The following FOXO1 variants were observed in gnomAD, a reference collection of about 807,000 sequenced individuals.
FOXO1 encodes forkhead box protein O1.
Under a neutral mutation model 44.1 loss-of-function variants are expected in FOXO1, and 6 were observed. The ratio of observed to expected loss-of-function variants is 0.14; its 90% confidence interval spans 0.07 to 0.27. The LOEUF (loss-of-function observed/expected upper bound fraction) is 0.27, where lower values mean the gene tolerates loss of function less well. Among genes scored for constraint, FOXO1 ranks in the 10% least tolerant of loss-of-function variants. The probability of loss-of-function intolerance (pLI) is 1.00; values close to 1 mark genes in which losing one functional copy is unlikely to be tolerated. For synonymous variants in FOXO1, 380 were observed against 362.7 expected (o/e 1.05, Z -0.54); for missense variants, 737 against 888.8 (o/e 0.83, Z 2.17).
intron 1 of FOXO1, among the ~76,000 whole-genome samples, chr13:40,656,700 T>G (rs1259333237): frequency 6.6e-6 from 1 of 152,230 alleles, no homozygotes; most frequent in Non-Finnish European, 1.5e-5. Flanking sequence ...ATTTTCATAA[T>G]TTCTTATTTG....
At chr13:40,608,507 T>G (rs183189939) in intron 1 of FOXO1, among the ~76,000 whole-genome samples, 1 of 152,002 alleles carries the variant, frequency 6.6e-6, no homozygotes, top group African/African-American at 2.4e-5. Context: ...TTGGGGTTAT[T>G]TGTTATGGAG....
rs1294521223 is a variant in FOXO1 at position 40,666,577 on chromosome 13, C to G, written c.-365G>C. 4.5e-6 allele frequency: 1 copy of G among 221,750 alleles called. No individual in the cohort carries two copies. Among genetic ancestry groups the G allele is most frequent in the African/African-American group, 2.2e-5 (1 of 44,482 alleles). The allele number at this position is 221,750 out of a possible 1,614,324, so 13.7% of individuals were successfully genotyped here. A position where few individuals can be genotyped will look rare whatever the true frequency, so the allele number is the denominator to read the frequency against. On this transcript the variant is annotated 5_prime_UTR_variant, in exon 1 of 3. Transcript: ENST00000379561. Reference sequence around the variant, plus strand: ...CAGCGGCGCGCCCGCTGCGCTGCTGCCTGTTGAATGTGGCGGCTGCGGCAG... The same window carrying G: ...CAGCGGCGCGCCCGCTGCGCTGCTGGCTGTTGAATGTGGCGGCTGCGGCAG...
At chr13:40,599,264 CAGGGAAGAATT>C (rs1249680870) in intron 1 of FOXO1, among the ~76,000 whole-genome samples, 35 of 150,848 alleles carry the variant, frequency 2.3e-4, no homozygotes, top group Non-Finnish European at 4.9e-4. Flanking sequence ...TTAGTCTTGT[CAGGGAAGAATT>C]TATCTACTAT....
chr13:40,662,865 T>C (rs1878080685), intron 1 of FOXO1, among the ~76,000 whole-genome samples: 1 of 152,240 alleles, frequency 6.6e-6, no homozygotes, highest in Non-Finnish European at 1.5e-5. Context: ...AAATTCATAG[T>C]AAAATTTCTC....
intron 1 of FOXO1, among the ~76,000 whole-genome samples, chr13:40,586,260 A>G (rs1185777299): frequency 6.6e-6 from 1 of 152,254 alleles, no homozygotes; most frequent in Non-Finnish European, 1.5e-5. Context: ...ATGTGCACTG[A>G]GTCATACTGT....
chr13:40,658,869 G>A (rs981719301), intron 1 of FOXO1, among the ~76,000 whole-genome samples: 8 of 152,148 alleles, frequency 5.3e-5, no homozygotes, highest in African/African-American at 9.6e-5. Flanking sequence ...AAAATTAGCC[G>A]GGCGTGGTGG....
At chr13:40,658,907 G>A (rs1161549296) in intron 1 of FOXO1, among the ~76,000 whole-genome samples, 1 of 152,214 alleles carries the variant, frequency 6.6e-6, no homozygotes, top group African/African-American at 2.4e-5. Flanking sequence ...AGCTACTCAG[G>A]AGGCTGAGGC....
intron 1 of FOXO1, among the ~76,000 whole-genome samples, chr13:40,566,731 A>C (rs886961595): frequency 3.3e-5 from 5 of 152,216 alleles, no homozygotes; most frequent in African/African-American, 1.2e-4. Flanking sequence ...TGAATGTATT[A>C]TATAATTACA....
Position 40,559,718 on chromosome 13 carries a change from G to A in FOXO1, c.1773C>T (p.Gly591=). The A allele has an allele frequency of 6.2e-7, 1 of 1,613,954 alleles. No homozygotes were observed. The highest frequency in any genetic ancestry group is 1.3e-5 in the African/African-American group (1 of 75,032). ...TTGGGAGCTTCTCCTGGTGGAGAAG[G>A]CCCATTCTGCCATAGCCATTGCAGC... is the stretch of plus-strand genomic sequence containing the variant. ...VSSCNGYGRM[G]LLHQEKLPSD... The change falls in exon 2 of 3, where the codon GGC becomes GGT. Residue 591 remains glycine (G), a synonymous_variant. Coordinates refer to ENST00000379561, the MANE Select transcript of FOXO1 (RefSeq NM_002015.4).
At chr13:40,647,939 G>C (rs966996031) in intron 1 of FOXO1, among the ~76,000 whole-genome samples, 1 of 152,178 alleles carries the variant, frequency 6.6e-6, no homozygotes, top group Non-Finnish European at 1.5e-5. Context: ...GCAGAGTCTG[G>C]TCAAAGCAAG....
intron 1 of FOXO1, chr13:40,619,734 A>C (rs1876545902): frequency 7.4e-6 from 7 of 943,226 alleles, no homozygotes; most frequent in Non-Finnish European, 1.2e-5. Flanking sequence ...GATCTTTCTC[A>C]ACAGTAGGAA....
At chr13:40,632,899 GA>G (rs1249893183) in intron 1 of FOXO1, among the ~76,000 whole-genome samples, 1 of 119,968 alleles carries the variant, frequency 8.3e-6, no homozygotes, top group Admixed American at 9.8e-5. Flanking sequence ...GCAAAAGAGT[GA>G]AACTCCATCT....
Position 40,592,841 on chromosome 13 carries a change from G to A in FOXO1, c.631-31981C>T, listed in dbSNP as rs895130954. Among the ~76,000 whole-genome samples the A allele has an allele frequency of 3.9e-5, 6 of 152,102 alleles. No individual in the cohort carries two copies. In the East Asian group the frequency reaches 5.8e-4, roughly 15 times the overall value. Reference sequence around the variant, plus strand: ...TGTCTTCCCAAGAAATGGTAAAGGCGTGTACAGGAGGCATTTCTGGGTCTC... The same window carrying A: ...TGTCTTCCCAAGAAATGGTAAAGGCATGTACAGGAGGCATTTCTGGGTCTC... On this transcript the variant is annotated intron_variant, in intron 1 of 2. Coordinates refer to ENST00000379561, the MANE Select transcript of FOXO1 (RefSeq NM_002015.4).
At chr13:40,638,572 A>T (rs967944397) in intron 1 of FOXO1, among the ~76,000 whole-genome samples, 2 of 152,198 alleles carry the variant, frequency 1.3e-5, no homozygotes, top group African/African-American at 2.4e-5. Flanking sequence ...GTTCCAAGAG[A>T]GAGCACACCT....
At chr13:40,649,518 A>T (rs1338788628) in intron 1 of FOXO1, among the ~76,000 whole-genome samples, 1 of 152,200 alleles carries the variant, frequency 6.6e-6, no homozygotes, top group Non-Finnish European at 1.5e-5. Flanking sequence ...ATAACCATCA[A>T]CAGTTTGTCT....
intron 1 of FOXO1, among the ~76,000 whole-genome samples, chr13:40,645,783 C>G (rs1282071053): frequency 2.0e-5 from 3 of 152,164 alleles, no homozygotes; most frequent in Non-Finnish European, 4.4e-5. Context: ...GATGTGCACC[C>G]TCAAAAGTCA....
At chr13:40,619,404 C>A (rs1260434493) in intron 1 of FOXO1, 6 of 832,920 alleles carry the variant, frequency 7.2e-6, no homozygotes, top group Non-Finnish European at 1.0e-5. Flanking sequence ...CCTTTCGGGG[C>A]ACAGGAAATG....
rs1394982028 is a variant in FOXO1, at chr13:40,557,690, C to A, written c.*1359G>T. Reference sequence around the variant, plus strand: ...CCTCAAGGCAGAACTACAAAACCAACCTCCACCTGGACTGAAACAAGAGCA... The same window carrying A: ...CCTCAAGGCAGAACTACAAAACCAAACTCCACCTGGACTGAAACAAGAGCA... On this transcript the variant is annotated 3_prime_UTR_variant, in exon 3 of 3. Coordinates refer to ENST00000379561, the MANE Select transcript of FOXO1 (RefSeq NM_002015.4). 1.3e-5 allele frequency: 2 copies of A among 152,208 alleles called. No individual in the cohort carries two copies. Among genetic ancestry groups the A allele is most frequent in the Non-Finnish European group, 2.9e-5 (2 of 68,034 alleles). The allele number at this position is 152,208 out of a possible 1,614,324, so 9.4% of individuals were successfully genotyped here. A position where few individuals can be genotyped will look rare whatever the true frequency, so the allele number is the denominator to read the frequency against.
chr13:40,565,590 T>A (rs746361111), intron 1 of FOXO1, among the ~76,000 whole-genome samples: 1 of 152,180 alleles, frequency 6.6e-6, no homozygotes, highest in African/African-American at 2.4e-5. Flanking sequence ...GCTGCTCAAG[T>A]GAGCACAGGG....
Sources: allele counts gnomAD v4.1 joint callset (sites outside exome capture counted in the v4.1 genomes callset), GRCh38; gene constraint gnomAD v4.1.1; transcripts MANE v1.5; gene names NCBI Gene and HGNC (gene_info 2026-07-23, HGNC 2026-07-21).